The following ITGA2B variants were observed in gnomAD, a reference collection of about 807,000 sequenced individuals.
The protein encoded by ITGA2B is integrin subunit alpha 2b, also known as integrin alpha-IIb.
Under a neutral mutation model 142.0 loss-of-function variants are expected in ITGA2B, and 91 were observed. The observed-to-expected ratio is 0.64, with a 90% confidence interval of 0.54 to 0.76. The LOEUF (loss-of-function observed/expected upper bound fraction) is 0.76, where lower values mean the gene tolerates loss of function less well. Among genes scored for constraint, ITGA2B ranks in the 30% least tolerant of loss-of-function variants. The probability of loss-of-function intolerance (pLI) is 0.00; values close to 1 mark genes in which losing one functional copy is unlikely to be tolerated. For missense variants in ITGA2B, 1,231 were observed against 1,350.8 expected (o/e 0.91, Z 1.39); for synonymous variants, 536 against 567.2 (o/e 0.94, Z 0.78).
chr17:44,389,431 C>T lies in ITGA2B; in HGVS notation c.43G>A (p.Glu15Lys), dbSNP rs779592785. The T allele has an allele frequency of 3.2e-5, 52 of 1,614,020 alleles. No homozygotes were observed. Among genetic ancestry groups the T allele is most frequent in the Admixed American group, 5.0e-5 (3 of 60,006 alleles). Reference protein sequence around the residue: ...LCPLQALWLLEWVLLLLGPCA... With the variant: ...LCPLQALWLLKWVLLLLGPCA... ...GGTCCCAAGAGCAGCAGCACCCACT[C>T]CAGAAGCCAGAGGGCTTGCAGTGGA... Residue 15 changes from glutamate (E) to lysine (K), a missense_variant, in exon 1 of 30, where the codon GAG becomes AAG. This residue lies in a region of ITGA2B where 318 missense variants were observed against 312.2 expected (regional missense o/e 1.02). Coordinates refer to ENST00000262407, the MANE Select transcript of ITGA2B (RefSeq NM_000419.5).
At chr17:44,379,854 C>T (rs751029763) in intron 17 of ITGA2B, 40 bp from the exon 18 acceptor site, 1 of 1,613,436 alleles carries the variant, frequency 6.2e-7, no homozygotes, top group Non-Finnish European at 8.5e-7. Flanking sequence ...TGCTACCATA[C>T]ACATCCCACC....
At chr17:44,374,854 C>A in intron 27 of ITGA2B, 94 bp from the exon 28 acceptor site, 11 of 1,301,404 alleles carry the variant, frequency 8.5e-6, no homozygotes, top group Non-Finnish European at 1.2e-5. Context: ...GAAGCCCTGC[C>A]TCTGACCTAA....
At chr17:44,374,971 G>GCCCCCCCCCC in intron 27 of ITGA2B, 27 bp downstream of exon 27, 1 of 1,489,362 alleles carries the variant, frequency 6.7e-7, no homozygotes, top group Non-Finnish European at 9.1e-7. Context: ...AGAAGGCCCG[G>GCCCCCCCCCC]CCCCGCCCCA....
At chr17:44,381,707 T>A (rs1410282386) in intron 12 of ITGA2B, among the ~76,000 whole-genome samples, 1 of 151,982 alleles carries the variant, frequency 6.6e-6, no homozygotes, top group Non-Finnish European at 1.5e-5. Context: ...AACCATGGCT[T>A]ACTGCAGCCT....
intron 8 of ITGA2B, 69 bp downstream of exon 8, chr17:44,384,469 G>C (rs2048625895): frequency 6.2e-7 from 1 of 1,609,436 alleles, no homozygotes; most frequent in African/African-American, 1.3e-5. Context: ...CCCTACATAG[G>C]GGAGATTTCA....
chr17:44,389,617 C>T lies in ITGA2B; in HGVS notation c.-144G>A. ...CGGGCAGAGCAAAGGGCTATAGCCC[C>T]TGGACTCATGGTGGCTAGAATTGCC... On this transcript the variant is annotated 5_prime_UTR_variant, in exon 1 of 30. Coordinates refer to ENST00000262407, the MANE Select transcript of ITGA2B (RefSeq NM_000419.5). 1.1e-6 allele frequency: 1 copy of T among 897,778 alleles called. No individual in the cohort carries two copies. Among genetic ancestry groups the T allele is most frequent in the Non-Finnish European group, 1.7e-6 (1 of 585,858 alleles). The allele number at this position is 897,778 out of a possible 1,614,324, so 55.6% of individuals were successfully genotyped here.
In ITGA2B at chr17:44,372,440, G is replaced by T; in HGVS notation, c.3061-17C>A. The T allele has an allele frequency of 1.9e-6, 3 of 1,613,110 alleles. No homozygotes were observed. The highest frequency in any genetic ancestry group is 2.5e-6 in the Non-Finnish European group (3 of 1,179,240). On this transcript the variant is annotated splice_polypyrimidine_tract_variant and intron_variant, in intron 29 of 29. Coordinates refer to ENST00000262407, the MANE Select transcript of ITGA2B (RefSeq NM_000419.5). ...GAAGCCGACCTGGGGGTACACGGGG[G>T]CCAAGGTCAGGGTATACAGATGATT...
In ITGA2B at chr17:44,384,941, G is replaced by A. The variant is rs766554924; in HGVS notation, c.799+7C>T. The stretch of plus-strand genomic sequence containing the variant: ...GGGGTGCTGGAAGTCTGGAATGGCG[G>A]TGTTACCCCAGTAGCCGTCGAAGTA... On this transcript the variant is annotated splice_region_variant and intron_variant, in intron 7 of 29. Coordinates refer to ENST00000262407, the MANE Select transcript of ITGA2B (RefSeq NM_000419.5). 4.3e-6 allele frequency: 7 copies of A among 1,613,970 alleles called. No homozygotes were observed. In the Admixed American group the frequency reaches 1.0e-4, roughly 23 times the overall value.
At position 44,384,522 on chromosome 17, in the gene ITGA2B, T is replaced by C; in HGVS notation, c.847+16A>G. On this transcript the variant is annotated intron_variant, in intron 8 of 29. Coordinates refer to ENST00000262407, the MANE Select transcript of ITGA2B (RefSeq NM_000419.5). ...GGGCTGGGCTACCCAACTCCCGCCC[T>C]AAGTGGATTTCTTGCCTGTAGTGTT... is the stretch of plus-strand genomic sequence containing the variant. The C allele has an allele frequency of 6.2e-7, 1 of 1,614,000 alleles. No individual in the cohort carries two copies. Among genetic ancestry groups the C allele is most frequent in the Non-Finnish European group, 8.5e-7 (1 of 1,179,986 alleles).
chr17:44,386,054 CA>C lies in ITGA2B; in HGVS notation c.265del (p.Trp89GlyfsTer22), dbSNP rs1293360952. 6 of 1,612,652 alleles carry C rather than the reference CA, an allele frequency of 3.7e-6. No homozygotes were observed. On this transcript the variant is annotated frameshift_variant, in exon 2 of 30. Transcript: ENST00000262407. ...GGGGCACTGGCCGCCCTCGGCCCTC[CA>C]GGGGCACAGGAACACGCCGCCCGTC... is the stretch of plus-strand genomic sequence containing the variant. Reference protein sequence around the residue: ...EETGGVFLCPWRAEGGQCPSL... With the variant: ...EETGGVFLCPXRAEGGQCPSL...
chr17:44,374,997 C>T lies in ITGA2B; in HGVS notation c.2841+1G>A. 1.3e-6 allele frequency: 2 copies of T among 1,537,904 alleles called. No homozygotes were observed. Among genetic ancestry groups the T allele is most frequent in the Non-Finnish European group, 1.7e-6 (2 of 1,144,294 alleles). On this transcript the variant is annotated splice_donor_variant, in intron 27 of 29. Coordinates refer to ENST00000262407, the MANE Select transcript of ITGA2B (RefSeq NM_000419.5). LOFTEE classifies it high-confidence loss of function. ...CCCCGCCCCACCACGGCCCACCCCA[C>T]CTGGTAGAGGCTGGGCAGCCACAGG...
At chr17:44,377,265 G>A (rs1384677304) in intron 21 of ITGA2B, among the ~76,000 whole-genome samples, 177 bp from the exon 22 acceptor site, 2 of 150,166 alleles carry the variant, frequency 1.3e-5, no homozygotes, top group African/African-American at 4.9e-5. Context: ...GCATGATCTC[G>A]GCTCACTGCA....
intron 29 of ITGA2B, among the ~76,000 whole-genome samples, chr17:44,373,537 C>T (rs957593900): frequency 2.0e-5 from 3 of 152,178 alleles, no homozygotes; most frequent in African/African-American, 7.2e-5. Flanking sequence ...CCTAAAAGCA[C>T]CATGTCTTCC....
Position 44,372,443 on chromosome 17 carries a change from A to C in ITGA2B, c.3061-20T>G. ...GCCGACCTGGGGGTACACGGGGGCC[A>C]AGGTCAGGGTATACAGATGATTTGC... On this transcript the variant is annotated intron_variant, in intron 29 of 29. Coordinates refer to ENST00000262407, the MANE Select transcript of ITGA2B (RefSeq NM_000419.5). 1 of 1,612,600 alleles carries C rather than the reference A, an allele frequency of 6.2e-7. No individual in the cohort carries two copies. The highest frequency in any genetic ancestry group is 8.5e-7 in the Non-Finnish European group (1 of 1,178,742).
chr17:44,376,295 C>T lies in ITGA2B; in HGVS notation c.2348+13G>A, dbSNP rs938961548. 6.8e-6 allele frequency: 11 copies of T among 1,614,172 alleles called. No individual in the cohort carries two copies. The highest frequency in any genetic ancestry group is 9.3e-6 in the Non-Finnish European group (11 of 1,180,022). ...CTGAATGCCATCTCCCTTCTCCACC[C>T]CTGGCCTCTCACCCTCGCAGCTCCA... On this transcript the variant is annotated intron_variant, in intron 23 of 29. Coordinates refer to ENST00000262407, the MANE Select transcript of ITGA2B (RefSeq NM_000419.5).
Position 44,377,719 on chromosome 17 carries a change from G to T in ITGA2B, c.2166C>A (p.Asn722Lys). The change falls in exon 21 of 30, where the codon AAC becomes AAA. Residue 722 changes from asparagine (N) to lysine (K), a missense_variant. Coordinates refer to ENST00000262407, the MANE Select transcript of ITGA2B (RefSeq NM_000419.5). ...ETRVVLCELG[N>K]PMKKNAQIGI... ...TCACCTGGGCGTTCTTCTTCATGGG[G>T]TTGCCCAGCTCACACAGCACCACCC... 2 of 1,613,570 alleles carry T rather than the reference G, an allele frequency of 1.2e-6. No individual in the cohort carries two copies. The highest frequency in any genetic ancestry group is 1.7e-6 in the Non-Finnish European group (2 of 1,179,822).
rs1441599995 is a variant in ITGA2B, at chr17:44,386,134, G to C, written c.189-3C>G. The C allele has an allele frequency of 6.3e-7, 1 of 1,592,170 alleles. No individual in the cohort carries two copies. Among genetic ancestry groups the C allele is most frequent in the African/African-American group, 1.3e-5 (1 of 74,670 alleles). ...GGGCGCCCACCACGATGGCCACTCT[G>C]CATAGGAAAGCTGGGTGAGCGCCGC... On this transcript the variant is annotated splice_polypyrimidine_tract_variant and splice_region_variant and intron_variant, in intron 1 of 29. Transcript: ENST00000262407.
At position 44,389,520 on chromosome 17, in the gene ITGA2B, T is replaced by G. The variant is rs2048680459; in HGVS notation, c.-47A>C. 5 of 1,595,364 alleles carry G rather than the reference T, an allele frequency of 3.1e-6. No individual in the cohort carries two copies. The highest frequency in any genetic ancestry group is 8.6e-7 in the Non-Finnish European group (1 of 1,166,926). ...CAGGCAGGAATGGGCCAGCTCCTCC[T>G]CCTTCCCTTCAGATTCCTCCACAGG... On this transcript the variant is annotated 5_prime_UTR_variant, in exon 1 of 30. Transcript: ENST00000262407.
At chr17:44,386,161 C>G in intron 1 of ITGA2B, 30 bp from the exon 2 acceptor site, 3 of 1,563,792 alleles carry the variant, frequency 1.9e-6, no homozygotes, top group Non-Finnish European at 2.6e-6. Context: ...GAGCGCCGCG[C>G]AGATTCCAGC....
Sources: gnomAD v4.1 joint callset for allele counts (sites outside exome capture counted in the v4.1 genomes callset) on GRCh38, gnomAD v4.1.1 for gene constraint, gnomAD v4.1.1 regional missense constraint, MANE v1.5 for transcripts, NCBI Gene and HGNC (gene_info 2026-07-23, HGNC 2026-07-21) for gene names.